Variants in FSTL5 observed in about 807,000 individuals in gnomAD.
FSTL5 encodes follistatin-related protein 5.
A neutral mutation model predicts 89.1 loss-of-function variants in FSTL5; 62 were observed. The observed-to-expected ratio is 0.70, with a 90% CI of 0.57 to 0.86. The LOEUF is 0.86. Among genes scored for constraint, FSTL5 ranks in the 40% least tolerant of loss-of-function variants. The pLI is 0.00. For missense variants in FSTL5, 1,057 were observed against 1,001.6 expected, an observed-to-expected ratio of 1.06 and a Z score of -0.75; for synonymous variants, 383 against 346.2, an observed-to-expected ratio of 1.11 and a Z score of -1.18.
chr4:161,743,148 T>A (rs1394222773), intron 6 of FSTL5, among the ~76,000 whole-genome samples: 1 of 152,186 alleles, frequency 6.6e-6, no homozygotes, highest in Non-Finnish European at 1.5e-5. Context: ...AAGCCAATGT[T>A]ATGAAGAGTT....
chr4:161,499,525 A>C (rs1730222589), intron 12 of FSTL5, among the ~76,000 whole-genome samples: 1 of 152,154 alleles, frequency 6.6e-6, no homozygotes, highest in South Asian at 2.1e-4. Flanking sequence ...GGATTTGAAA[A>C]AATTTGATAT....
At chr4:161,399,934 T>C (rs1731128790) in intron 15 of FSTL5, among the ~76,000 whole-genome samples, 1 of 152,140 alleles carries the variant, frequency 6.6e-6, no homozygotes, top group African/African-American at 2.4e-5. Flanking sequence ...CTATGTACAG[T>C]ATGTAAGCGA....
At chr4:161,417,755 G>T in intron 15 of FSTL5, among the ~76,000 whole-genome samples, 1 of 152,220 alleles carries the variant, frequency 6.6e-6, no homozygotes, top group Middle Eastern at 3.4e-3. Context: ...AACACAAATA[G>T]AACAGCATCT....
intron 8 of FSTL5, among the ~76,000 whole-genome samples, chr4:161,551,730 T>C (rs1037688854): frequency 7.9e-5 from 12 of 151,902 alleles, no homozygotes; most frequent in Non-Finnish European, 1.6e-4. Context: ...AAACAAGAAA[T>C]GGGGAAACGA....
chr4:161,791,733 T>C (rs1729483867), intron 4 of FSTL5, among the ~76,000 whole-genome samples: 1 of 152,220 alleles, frequency 6.6e-6, no homozygotes, highest in African/African-American at 2.4e-5. Context: ...GCTGACATGT[T>C]AAGTACAGTT....
At chr4:161,977,731 T>C (rs1735705587) in intron 3 of FSTL5, among the ~76,000 whole-genome samples, 1 of 151,196 alleles carries the variant, frequency 6.6e-6, no homozygotes, top group Admixed American at 6.6e-5. Flanking sequence ...GAGCCCATCA[T>C]GGGATTGGCA....
chr4:161,980,396 C>A (rs1019276014), intron 3 of FSTL5, among the ~76,000 whole-genome samples: 3 of 151,960 alleles, frequency 2.0e-5, no homozygotes, highest in African/African-American at 7.2e-5. Flanking sequence ...TGCTTAAGAC[C>A]AAAGAACAAA....
chr4:162,150,316 G>A (rs1347953679), intron 1 of FSTL5, among the ~76,000 whole-genome samples: 1 of 152,102 alleles, frequency 6.6e-6, no homozygotes, highest in Non-Finnish European at 1.5e-5. Flanking sequence ...AGAAACATGT[G>A]TGCTTCCTGT....
intron 6 of FSTL5, among the ~76,000 whole-genome samples, chr4:161,657,507 C>T (rs1327180038): frequency 6.6e-6 from 1 of 152,134 alleles, no homozygotes; most frequent in African/African-American, 2.4e-5. Flanking sequence ...ATATTTGTCA[C>T]TGGGGTTGAG....
chr4:161,844,622 G>A (rs890767888), intron 4 of FSTL5, among the ~76,000 whole-genome samples: 6 of 152,154 alleles, frequency 3.9e-5, no homozygotes, highest in African/African-American at 7.2e-5. Context: ...AAAAGGATGA[G>A]TTCATGTCCT....
At position 161,587,564 on chromosome 4, in the gene FSTL5, A is replaced by G. The variant is rs1733660168; in HGVS notation, c.906T>C (p.Asp302=). ...CCTTAGTAATATACAAGGACCCATC[A>G]TCTCCAAAGTCCTATTAAAAATAAA... is the stretch of plus-strand genomic sequence containing the variant. ...LDLEDINDFG[D]DGSLYITKVT... is the part of the protein sequence containing the mutation. The change falls in exon 8 of 16, where the codon GAT becomes GAC. Residue 302 remains aspartate, a synonymous_variant. Coordinates refer to ENST00000306100, the MANE Select transcript of FSTL5 (RefSeq NM_020116.5). 6.2e-7 allele frequency: 1 copy of G among 1,606,024 alleles called. No individual in the cohort carries two copies.
intron 6 of FSTL5, among the ~76,000 whole-genome samples, chr4:161,700,648 A>T (rs1158658712): frequency 6.6e-6 from 1 of 152,158 alleles, no homozygotes; most frequent in Non-Finnish European, 1.5e-5. Flanking sequence ...AAGTGCTGGG[A>T]TTACAGGCAT....
intron 7 of FSTL5, among the ~76,000 whole-genome samples, chr4:161,603,356 G>A (rs756865805): frequency 3.3e-5 from 5 of 152,152 alleles, no homozygotes; most frequent in South Asian, 2.1e-4. Flanking sequence ...AATAAGGATG[G>A]AGTCCCAATC....
At chr4:161,573,928 GT>G (rs1188043975) in intron 8 of FSTL5, among the ~76,000 whole-genome samples, 5 of 152,102 alleles carry the variant, frequency 3.3e-5, no homozygotes, top group Admixed American at 6.6e-5. Context: ...CTGAACTAAA[GT>G]CAAGGTGTGG....
chr4:162,085,305 A>T (rs1053316920), intron 2 of FSTL5, among the ~76,000 whole-genome samples: 6 of 152,150 alleles, frequency 3.9e-5, no homozygotes, highest in African/African-American at 1.4e-4. Context: ...AAAAGATAAT[A>T]TTCCCACAGT....
At chr4:161,848,253 T>C (rs867583286) in intron 4 of FSTL5, among the ~76,000 whole-genome samples, 1 of 152,072 alleles carries the variant, frequency 6.6e-6, no homozygotes, top group Non-Finnish European at 1.5e-5. Context: ...TTCATAAATA[T>C]AATAGCTACA....
At chr4:161,499,200 T>C (rs1560924874) in intron 12 of FSTL5, among the ~76,000 whole-genome samples, 1 of 152,104 alleles carries the variant, frequency 6.6e-6, no homozygotes, top group Non-Finnish European at 1.5e-5. Context: ...AGATTCTGTC[T>C]TAAAATAAAA....
intron 3 of FSTL5, among the ~76,000 whole-genome samples, chr4:161,997,236 T>C (rs1460754985): frequency 6.6e-6 from 1 of 152,224 alleles, no homozygotes; most frequent in Non-Finnish European, 1.5e-5. Context: ...TAAACACAAT[T>C]AAATTTTTCT....
intron 2 of FSTL5, among the ~76,000 whole-genome samples, chr4:162,066,384 TTCTTCA>T (rs1738916357): frequency 7.2e-6 from 1 of 139,848 alleles, no homozygotes; most frequent in African/African-American, 2.6e-5. Context: ...CTTCTTCTTC[TTCTTCA>T]TTTTCCTTTT....
Sources: gnomAD v4.1 joint callset for allele counts (sites outside exome capture counted in the v4.1 genomes callset) on GRCh38, gnomAD v4.1.1 for gene constraint, MANE v1.5 for transcripts, NCBI Gene and HGNC (gene_info 2026-07-23, HGNC 2026-07-21) for gene names.